The following VARS2 variants were observed in gnomAD, a reference collection of about 807,000 sequenced individuals.
The protein encoded by VARS2 is valine--tRNA ligase, mitochondrial.
A neutral mutation model predicts 154.1 loss-of-function variants in VARS2; 105 were observed. That is an observed-to-expected ratio of 0.68 (90% confidence interval 0.58 to 0.80). VARS2 has a LOEUF of 0.80. Among genes scored for constraint, VARS2 ranks in the 30% least tolerant of loss-of-function variants. The probability of loss-of-function intolerance (pLI) is 0.00; values close to 1 mark genes in which losing one functional copy is unlikely to be tolerated. For synonymous variants in VARS2, 483 were observed against 539.5 expected, an observed-to-expected ratio of 0.90 and a Z score of 1.45; for missense variants, 1,157 against 1,361.4, an observed-to-expected ratio of 0.85 and a Z score of 2.36.
Position 30,919,921 on chromosome 6 carries a change from G to A in VARS2, c.1165+73G>A. ...GAGGGGAGGGAACCAGGAGGAAGAG[G>A]AAGGTGGGAGTGGGAGATCCTCATA... On this transcript the variant is annotated intron_variant, in intron 12 of 29. Coordinates refer to ENST00000676266, the MANE Select transcript of VARS2 (RefSeq NM_020442.6). The surrounding 1 kb of genome is among the most constrained non-coding windows in gnomAD (Gnocchi z 4.5). The A allele has an allele frequency of 6.7e-7, 1 of 1,487,066 alleles. No homozygotes were observed. The highest frequency in any genetic ancestry group is 2.2e-5 in the Admixed American group (1 of 45,402). 92.1% of individuals were successfully genotyped at this position (1,487,066 alleles called of 1,614,324 possible).
chr6:30,917,521 A>C lies in VARS2; in HGVS notation c.874-174A>C, dbSNP rs1397834448. Among the ~76,000 whole-genome samples the C allele has an allele frequency of 6.6e-6, 1 of 152,278 alleles. No individual in the cohort carries two copies. Among genetic ancestry groups the C allele is most frequent in the Non-Finnish European group, 1.5e-5 (1 of 68,052 alleles). Reference sequence around the variant, plus strand: ...AAGTGCTCAGTGAATATTTATTAGAAGTGTGACTGCACGAGCATTGGGTGA... The same window carrying C: ...AAGTGCTCAGTGAATATTTATTAGACGTGTGACTGCACGAGCATTGGGTGA... On this transcript the variant is annotated intron_variant, in intron 9 of 29. Coordinates refer to ENST00000676266, the MANE Select transcript of VARS2 (RefSeq NM_020442.6). This position sits in a 1 kb window ranked among gnomAD's most constrained non-coding sequence, Gnocchi z 4.4.
In VARS2 at chr6:30,917,845, AT is replaced by A; in HGVS notation, c.985+44del. On this transcript the variant is annotated intron_variant, in intron 10 of 29. Transcript: ENST00000676266. This position sits in a 1 kb window ranked among gnomAD's most constrained non-coding sequence, Gnocchi z 4.4. ...TCTGCAGGGTCACCCGTTTACCTCC[AT>A]TTTTCCTGTTTTCTGAAGCCCATGT... is the stretch of plus-strand genomic sequence containing the variant. 1 of 1,543,562 alleles carries A rather than the reference AT, an allele frequency of 6.5e-7. No homozygotes were observed.
Position 30,917,327 on chromosome 6 carries a change from A to C in VARS2, c.873+103A>C. 3 of 1,571,798 alleles carry C rather than the reference A, an allele frequency of 1.9e-6. No individual in the cohort carries two copies. The highest frequency in any genetic ancestry group is 2.6e-6 in the Non-Finnish European group (3 of 1,146,492). On this transcript the variant is annotated intron_variant, in intron 9 of 29. Transcript: ENST00000676266. The surrounding 1 kb of genome is among the most constrained non-coding windows in gnomAD (Gnocchi z 4.4). ...GCCAGGGTGCCTGGATTCAAATCTG[A>C]TGCCTGCCTGTTACAGCTGTGTGGC...
At position 30,922,962 on chromosome 6, in the gene VARS2, C is replaced by A. The variant is rs1794621985; in HGVS notation, c.2171C>A (p.Ser724Tyr). Residue 724 changes from serine (S) to tyrosine (Y), a missense_variant, in exon 23 of 30, where the codon TCC becomes TAC. Transcript: ENST00000676266. The stretch of plus-strand genomic sequence containing the variant: ...GATGCCCTGAGATTCACACTCTGCT[C>A]CCATGGAGTTCAGGGTAAGCCTGGG... ...GTDALRFTLC[S>Y]HGVQAGDLHL... 7 of 1,610,318 alleles carry A rather than the reference C, an allele frequency of 4.3e-6. No individual in the cohort carries two copies. The highest frequency in any genetic ancestry group is 5.9e-6 in the Non-Finnish European group (7 of 1,178,176).
chr6:30,925,621 T>G lies in VARS2; in HGVS notation c.2863T>G (p.Cys955Gly). The change falls in exon 28 of 30, where the codon TGT becomes GGT. Residue 955 changes from cysteine (C) to glycine (G), a missense_variant. Cys to Gly is a radical substitution (Grantham distance 159, BLOSUM62 -3). Coordinates refer to ENST00000676266, the MANE Select transcript of VARS2 (RefSeq NM_020442.6). ...GGAGCCCCTGGGCACCCTGGGCTAC[T>G]GTGGGGCTGTGGGCCTGTTACCCCC... ...FLEPLGTLGY[C>G]GAVGLLPPGA... is the part of the protein sequence containing the mutation. 6.2e-7 allele frequency: 1 copy of G among 1,611,372 alleles called. No homozygotes were observed. Among genetic ancestry groups the G allele is most frequent in the Non-Finnish European group, 8.5e-7 (1 of 1,179,838 alleles).
At position 30,918,953 on chromosome 6, in the gene VARS2, G is replaced by A. The variant is rs146126712; in HGVS notation, c.1074+38G>A. The A allele has an allele frequency of 9.7e-4, 1,521 of 1,572,040 alleles. 14 individuals are homozygous for A. The African/African-American group carries it at 0.017, about 17-fold the overall frequency. On this transcript the variant is annotated intron_variant, in intron 11 of 29. Coordinates refer to ENST00000676266, the MANE Select transcript of VARS2 (RefSeq NM_020442.6). ...GCGCTCCTGCACTCTGGCCCGCCCCGCCAATGGCCTTCTCTTCTCTTGGGT... is the reference window on the plus strand; with the variant it reads ...GCGCTCCTGCACTCTGGCCCGCCCCACCAATGGCCTTCTCTTCTCTTGGGT...
In VARS2 at chr6:30,914,298, A is replaced by G. The variant is rs955160859; in HGVS notation, c.-74A>G. On this transcript the variant is annotated 5_prime_UTR_variant, in exon 1 of 30. Transcript: ENST00000676266. ...CAGGGTCGGGTTTGGTGGATTCCTC[A>G]GTCCCTGCCGCCGCGGGGCGCCCTG... 1.9e-6 allele frequency: 2 copies of G among 1,068,730 alleles called. No homozygotes were observed. The highest frequency in any genetic ancestry group is 4.2e-5 in the Admixed American group (1 of 23,580). The allele number at this position is 1,068,730 out of a possible 1,614,324, so 66.2% of individuals were successfully genotyped here. A position where few individuals can be genotyped will look rare whatever the true frequency, so the allele number is the denominator to read the frequency against.
chr6:30,915,402 G>A lies in VARS2; in HGVS notation c.331G>A (p.Ala111Thr). ...TGCATACAGCCCCCGATATGTTGAG[G>A]CTGCCTGGTACCCGTGGTGGGTACG... The part of the protein sequence containing the change: ...PPAYSPRYVE[A>T]AWYPWWVREG... Residue 111 changes from alanine to threonine, a missense_variant, in exon 4 of 30, where the codon GCT becomes ACT. By Grantham distance (58) the Ala-to-Thr change is moderately conservative. Transcript: ENST00000676266. 6.2e-7 allele frequency: 1 copy of A among 1,614,200 alleles called. No homozygotes were observed. Among genetic ancestry groups the A allele is most frequent in the South Asian group, 1.1e-5 (1 of 91,092 alleles).
chr6:30,915,537 T>C, intron 4 of VARS2, 82 bp downstream of exon 4: 1 of 1,494,600 alleles, frequency 6.7e-7, no homozygotes, highest in Non-Finnish European at 9.2e-7. Context: ...AGAGTTGAGC[T>C]CACATTGTAG....
intron 10 of VARS2, among the ~76,000 whole-genome samples, chr6:30,918,427 G>A (rs577153206): frequency 1.3e-5 from 2 of 152,332 alleles, no homozygotes; most frequent in Admixed American, 6.5e-5. Context: ...AGACAGATGA[G>A]CTGGAATTGT....
chr6:30,915,341 C>T lies in VARS2; in HGVS notation c.284-14C>T, dbSNP rs748910254. The T allele has an allele frequency of 1.6e-5, 26 of 1,614,100 alleles. No homozygotes were observed. The highest frequency in any genetic ancestry group is 2.0e-5 in the Non-Finnish European group (24 of 1,179,932). On this transcript the variant is annotated splice_polypyrimidine_tract_variant and intron_variant, in intron 3 of 29. Coordinates refer to ENST00000676266, the MANE Select transcript of VARS2 (RefSeq NM_020442.6). ...AAGTTCAGTGGTTAGTGGAGCTCTCCTCTGCCTTCACAGATGTCTCTGGGC... is the reference window on the plus strand; with the variant it reads ...AAGTTCAGTGGTTAGTGGAGCTCTCTTCTGCCTTCACAGATGTCTCTGGGC...
At position 30,920,466 on chromosome 6, in the gene VARS2, G is replaced by T. The variant is rs1052778199; in HGVS notation, c.1397+30G>T. The T allele has an allele frequency of 2.5e-6, 4 of 1,576,796 alleles. No homozygotes were observed. In the African/African-American group the frequency reaches 5.4e-5, roughly 21 times the overall value. On this transcript the variant is annotated intron_variant, in intron 14 of 29. Transcript: ENST00000676266. The surrounding 1 kb of genome is among the most constrained non-coding windows in gnomAD (Gnocchi z 4.6). ...CCTCATTTTAACTCCTTTACTAAGG[G>T]CTACCCCAAAAGGGAATGTATGGAG... is the stretch of plus-strand genomic sequence containing the variant.
Position 30,920,592 on chromosome 6 carries a change from A to G in VARS2, c.1398-76A>G. On this transcript the variant is annotated intron_variant, in intron 14 of 29. Transcript: ENST00000676266. This position sits in a 1 kb window ranked among gnomAD's most constrained non-coding sequence, Gnocchi z 4.6. ...GTATCCTCAGTACCAAGGGCCTGGC[A>G]TGGCATGGGGTCTTGTGCCCCTGGG... The G allele has an allele frequency of 2.9e-6, 4 of 1,384,794 alleles. No individual in the cohort carries two copies. Among genetic ancestry groups the G allele is most frequent in the Non-Finnish European group, 3.9e-6 (4 of 1,024,958 alleles). 85.8% of individuals were successfully genotyped at this position (1,384,794 alleles called of 1,614,324 possible).
Position 30,916,837 on chromosome 6 carries a change from G to T in VARS2, c.672-41G>T, listed in dbSNP as rs1386691543. On this transcript the variant is annotated intron_variant, in intron 7 of 29. Transcript: ENST00000676266. The surrounding 1 kb of genome is among the most constrained non-coding windows in gnomAD (Gnocchi z 4.0). ...TCGCTGGGCCTGGTACATAGGAAGT[G>T]CTTGGGAAGTGTTTGCTGACAAGGA... The T allele has an allele frequency of 1.2e-6, 2 of 1,608,882 alleles. No homozygotes were observed. Among genetic ancestry groups the T allele is most frequent in the Non-Finnish European group, 1.7e-6 (2 of 1,175,288 alleles).
rs771219354 is a variant in VARS2, at chr6:30,921,566, C to G, written c.1633-23C>G. The G allele has an allele frequency of 1.9e-6, 3 of 1,589,386 alleles. No homozygotes were observed. Among genetic ancestry groups the G allele is most frequent in the East Asian group, 4.5e-5 (2 of 44,194 alleles). On this transcript the variant is annotated intron_variant, in intron 17 of 29. Transcript: ENST00000676266. This position sits in a 1 kb window ranked among gnomAD's most constrained non-coding sequence, Gnocchi z 4.6. ...TGTCAGCTGTTCTTCCTCACTCTCC[C>G]CAACCCCTTCCTACTTTTGCAGGGA...
Position 30,917,899 on chromosome 6 carries a change from C to G in VARS2, c.985+93C>G. On this transcript the variant is annotated intron_variant, in intron 10 of 29. Transcript: ENST00000676266. This position sits in a 1 kb window ranked among gnomAD's most constrained non-coding sequence, Gnocchi z 4.4. ...GGCTGCTAGGAACCCATCAGTCCAT[C>G]TCTCACATGTACCTTGGTAGTGTTC... is the stretch of plus-strand genomic sequence containing the variant. 1 of 1,285,320 alleles carries G rather than the reference C, an allele frequency of 7.8e-7. No homozygotes were observed. Among genetic ancestry groups the G allele is most frequent in the Non-Finnish European group, 1.1e-6 (1 of 911,240 alleles). 79.6% of individuals were successfully genotyped at this position (1,285,320 alleles called of 1,614,324 possible).
intron 26 of VARS2, 47 bp from the exon 27 acceptor site, chr6:30,925,227 G>A: frequency 1.3e-6 from 2 of 1,486,906 alleles, no homozygotes; most frequent in South Asian, 1.2e-5. Context: ...TTGGTACTGA[G>A]TCTCCCAGGA....
At chr6:30,922,017 A>G in intron 19 of VARS2, 22 bp downstream of exon 19, 1 of 1,612,728 alleles carries the variant, frequency 6.2e-7, no homozygotes, top group Non-Finnish European at 8.5e-7. Context: ...TGAGAGGGCG[A>G]AAGTGAAGGG....
At position 30,917,666 on chromosome 6, in the gene VARS2, C is replaced by G; in HGVS notation, c.874-29C>G. On this transcript the variant is annotated intron_variant, in intron 9 of 29. Transcript: ENST00000676266. The surrounding 1 kb of genome is among the most constrained non-coding windows in gnomAD (Gnocchi z 4.4). ...GCATGAGCCTTGCAGAAAGGCTGCC[C>G]TCTGACCCAGCTTTCTCGGTGCCTC... 1 of 1,539,440 alleles carries G rather than the reference C, an allele frequency of 6.5e-7. No homozygotes were observed.
Sources: gnomAD v4.1 joint callset for allele counts (sites outside exome capture counted in the v4.1 genomes callset) on GRCh38, gnomAD v4.1.1 for gene constraint, Gnocchi (gnomAD v3.1) non-coding constraint, MANE v1.5 for transcripts, NCBI Gene and HGNC (gene_info 2026-07-23, HGNC 2026-07-21) for gene names.